The following PLCB4 variants were observed in gnomAD, a reference collection of about 807,000 sequenced individuals.
PLCB4 encodes phospholipase C beta 4.
Under a neutral mutation model 178.8 loss-of-function variants are expected in PLCB4, and 77 were observed. That is an observed-to-expected ratio of 0.43 (90% CI 0.36 to 0.52). The LOEUF is 0.52. Ranked by LOEUF, PLCB4 falls within the 20% of genes least tolerant of loss-of-function variation. The probability of loss-of-function intolerance (pLI) is 0.00; values close to 1 mark genes in which losing one functional copy is unlikely to be tolerated. For synonymous variants in PLCB4, 496 were observed against 490.8 expected, an observed-to-expected ratio of 1.01 and a Z score of -0.14; for missense variants, 1,024 against 1,453.4, an observed-to-expected ratio of 0.70 and a Z score of 4.80.
chr20:9,356,406 C>CTA (rs1270259469), intron 7 of PLCB4, among the ~76,000 whole-genome samples: 1 of 152,174 alleles, frequency 6.6e-6, no homozygotes, highest in Non-Finnish European at 1.5e-5. Flanking sequence ...GAGGCACTGG[C>CTA]TATATTTCAT....
chr20:9,096,524 A>ATGAC (rs2090916370), intron 2 of PLCB4, among the ~76,000 whole-genome samples, 182 bp downstream of exon 2: 1 of 152,362 alleles, frequency 6.6e-6, no homozygotes, highest in East Asian at 1.9e-4. Context: ...TTTTTAAAGA[A>ATGAC]TGACTATTTT....
intron 30 of PLCB4, among the ~76,000 whole-genome samples, chr20:9,441,240 G>T (rs1198120289): frequency 6.6e-6 from 1 of 152,160 alleles, no homozygotes; most frequent in African/African-American, 2.4e-5. Context: ...TAAGTGAGAG[G>T]TCTGTTCTTT....
chr20:9,156,819 GCCTCCCTCCCTCCCTCCCTC>G (rs56668698), intron 2 of PLCB4, among the ~76,000 whole-genome samples: 2 of 31,282 alleles, frequency 6.4e-5, no homozygotes, highest in Admixed American at 6.4e-4. Context: ...TTACAGGGTT[GCCTCCCTCCCTCCCTCCCTC>G]CCTCCCTCCC....
Position 9,415,286 on chromosome 20 carries a change from T to C in PLCB4, c.2051+4198T>C, listed in dbSNP as rs73248743. ...TTCCAATTTTTATATTAGGTTCTAT[T>C]TTAATATTTTTGGAACAGAGTTGAC... is the stretch of plus-strand genomic sequence containing the variant. On this transcript the variant is annotated intron_variant, in intron 25 of 39. Transcript: ENST00000378473. Among the ~76,000 whole-genome samples, 1,121 of 152,316 alleles carry C rather than the reference T, an allele frequency of 7.4e-3. 17 individuals are homozygous for C. Among genetic ancestry groups the C allele is most frequent in the African/African-American group, 0.024 (1,000 of 41,560 alleles).
chr20:9,464,353 C>G (rs182027889), intron 35 of PLCB4, among the ~76,000 whole-genome samples: 1 of 152,106 alleles, frequency 6.6e-6, no homozygotes, highest in Non-Finnish European at 1.5e-5. Context: ...GACACCCTAA[C>G]GTCACAATTA....
rs1173392546 is a variant in PLCB4, at chr20:9,384,430, C to G, written c.1064+19C>G. On this transcript the variant is annotated intron_variant, in intron 14 of 39. Transcript: ENST00000378473. ...GTTGCAGGTGAGGAACTCAAGATGG[C>G]AATTTGTTTTTTGTGTGTGATGCCC... 1 of 1,578,226 alleles carries G rather than the reference C, an allele frequency of 6.3e-7. No individual in the cohort carries two copies. Among genetic ancestry groups the G allele is most frequent in the African/African-American group, 1.3e-5 (1 of 74,322 alleles).
intron 7 of PLCB4, among the ~76,000 whole-genome samples, chr20:9,346,883 G>A (rs1428594749): frequency 6.6e-6 from 1 of 152,184 alleles, no homozygotes; most frequent in Non-Finnish European, 1.5e-5. Flanking sequence ...CAGAGAATCT[G>A]TGGAGCTGGT....
chr20:9,424,029 G>A (rs1480689734), intron 28 of PLCB4, 77 bp downstream of exon 28: 3 of 993,324 alleles, frequency 3.0e-6, no homozygotes, highest in African/African-American at 1.6e-5. Context: ...TCTTGTCCAT[G>A]CTTTAAAAAA....
intron 2 of PLCB4, among the ~76,000 whole-genome samples, chr20:9,179,265 A>G (rs2093206295): frequency 6.6e-6 from 1 of 152,176 alleles, no homozygotes; most frequent in Non-Finnish European, 1.5e-5. Context: ...AGGAACAAGT[A>G]AAACAGTGAG....
At chr20:9,435,776 A>C in intron 29 of PLCB4, 128 bp downstream of exon 29, 1 of 573,348 alleles carries the variant, frequency 1.7e-6, no homozygotes. Flanking sequence ...GAGCTCATCA[A>C]TTCAACAATA....
intron 32 of PLCB4, among the ~76,000 whole-genome samples, chr20:9,447,730 T>C (rs1215878544): frequency 6.6e-6 from 1 of 152,228 alleles, no homozygotes; most frequent in Non-Finnish European, 1.5e-5. Context: ...AATCATCTAG[T>C]TTTTAAGTGG....
chr20:9,202,825 A>C (rs1446934095), intron 2 of PLCB4, among the ~76,000 whole-genome samples: 1 of 152,048 alleles, frequency 6.6e-6, no homozygotes, highest in Admixed American at 6.6e-5. Flanking sequence ...ACTCCAGGCT[A>C]TGCATCTGGG....
At chr20:9,310,446 T>G (rs567402431) in intron 4 of PLCB4, among the ~76,000 whole-genome samples, 1 of 152,106 alleles carries the variant, frequency 6.6e-6, no homozygotes, top group Non-Finnish European at 1.5e-5. Context: ...CACAGTGTCT[T>G]ATGCCTGTAA....
intron 3 of PLCB4, among the ~76,000 whole-genome samples, chr20:9,304,827 G>A (rs1444852161): frequency 1.4e-5 from 2 of 147,630 alleles, no homozygotes; most frequent in Non-Finnish European, 3.0e-5. Context: ...ACGTGCCTAT[G>A]GTATCTTTTT....
At chr20:9,424,749 T>TA (rs1167029946) in intron 28 of PLCB4, among the ~76,000 whole-genome samples, 1 of 152,106 alleles carries the variant, frequency 6.6e-6, no homozygotes, top group African/African-American at 2.4e-5. Flanking sequence ...TGCTTATCAT[T>TA]AGAGTACATG....
intron 2 of PLCB4, among the ~76,000 whole-genome samples, chr20:9,176,629 T>C (rs1161679965): frequency 2.0e-5 from 3 of 152,188 alleles, no homozygotes; most frequent in African/African-American, 7.2e-5. Flanking sequence ...TATTATATCA[T>C]ATGAAGAAGC....
chr20:9,436,861 G>T, intron 29 of PLCB4, 141 bp from the exon 30 acceptor site: 1 of 723,188 alleles, frequency 1.4e-6, no homozygotes, highest in South Asian at 2.1e-5. Flanking sequence ...TCTTTCCTTG[G>T]CTGGATCCTT....
At chr20:9,403,502 G>A (rs973848200) in intron 20 of PLCB4, among the ~76,000 whole-genome samples, 1 of 152,094 alleles carries the variant, frequency 6.6e-6, no homozygotes, top group African/African-American at 2.4e-5. Flanking sequence ...GTTTAGTTGA[G>A]CAAAAAAAAC....
chr20:9,377,570 A>G (rs572006312), intron 12 of PLCB4, among the ~76,000 whole-genome samples: 10 of 152,298 alleles, frequency 6.6e-5, no homozygotes, highest in African/African-American at 2.2e-4. Context: ...GAAGATTGTT[A>G]TCTAGTGGGA....
Sources: gnomAD v4.1 joint callset for allele counts (sites outside exome capture counted in the v4.1 genomes callset) on GRCh38, gnomAD v4.1.1 for gene constraint, MANE v1.5 for transcripts, NCBI Gene and HGNC (gene_info 2026-07-23, HGNC 2026-07-21) for gene names.